The following B3GAT1 variants were observed in gnomAD, a reference collection of about 807,000 sequenced individuals.
The protein encoded by B3GAT1 is beta-1,3-glucuronyltransferase 1.
In B3GAT1, 11 loss-of-function variants were observed where a neutral mutation model predicts 28.4. The ratio of observed to expected loss-of-function variants is 0.39; its 90% CI spans 0.24 to 0.64. The LOEUF is 0.64. Ranked by LOEUF, B3GAT1 falls within the 30% of genes least tolerant of loss-of-function variation. B3GAT1 has a pLI of 0.50. For missense variants in B3GAT1, 375 were observed against 491.0 expected (o/e 0.76, Z 2.23); for synonymous variants, 255 against 223.1 (o/e 1.14, Z -1.27).
chr11:134,403,691 C>T (rs964007028), intron 1 of B3GAT1, among the ~76,000 whole-genome samples: 16 of 152,092 alleles, frequency 1.1e-4, no homozygotes, highest in African/African-American at 3.9e-4. Flanking sequence ...AACCTGTCAA[C>T]CAGATGACTG....
At chr11:134,407,586 A>G (rs1944758916) in intron 1 of B3GAT1, among the ~76,000 whole-genome samples, 1 of 152,238 alleles carries the variant, frequency 6.6e-6, no homozygotes, top group African/African-American at 2.4e-5. Context: ...TTTTGCGCTT[A>G]TCAGAGGTAA....
rs925422572 is a variant in B3GAT1, at chr11:134,412,005, C to T, written c.-480G>A. ...CGCCCGCCCCGCCCGGCCCCGCCGC[C>T]CCGGCCCGGCTCGTTCTGGGCTCAG... On this transcript the variant is annotated 5_prime_UTR_variant, in exon 1 of 6. Transcript: ENST00000312527. 47 of 140,680 alleles carry T rather than the reference C, an allele frequency of 3.3e-4. No homozygotes were observed. Among genetic ancestry groups the T allele is most frequent in the African/African-American group, 1.1e-3 (41 of 38,488 alleles). The allele number at this position is 140,680 out of a possible 1,614,324, so 8.7% of individuals were successfully genotyped here. A position where few individuals can be genotyped will look rare whatever the true frequency, so the allele number is the denominator to read the frequency against.
intron 1 of B3GAT1, among the ~76,000 whole-genome samples, chr11:134,397,510 T>G (rs1223271313): frequency 6.6e-6 from 1 of 152,074 alleles, no homozygotes; most frequent in African/African-American, 2.4e-5. Context: ...CAGAGGGCAG[T>G]GCCCCATTCC....
In B3GAT1 at chr11:134,387,588, CCAGA is replaced by C; in HGVS notation, c.68_71del (p.Val23GlyfsTer66). On this transcript the variant is annotated frameshift_variant, in exon 2 of 6. Coordinates refer to ENST00000312527, the MANE Select transcript of B3GAT1 (RefSeq NM_054025.3). LOFTEE classifies it high-confidence loss of function. ...GCAGGGGTGCGAGGGTGCTCTGGTG[CCAGA>C]CAGTGATGAGCAGAGTCCAGGGCAG... The C allele has an allele frequency of 6.2e-7, 1 of 1,614,118 alleles. No individual in the cohort carries two copies.
rs1944559511 is a variant in B3GAT1, at chr11:134,399,070, G to A, written c.-281-11130C>T. 2.6e-5 allele frequency among the ~76,000 whole-genome samples: 4 copies of A among 152,164 alleles called. No individual in the cohort carries two copies. In the South Asian group the frequency reaches 8.3e-4, roughly 32 times the overall value. On this transcript the variant is annotated intron_variant, in intron 1 of 5. Coordinates refer to ENST00000312527, the MANE Select transcript of B3GAT1 (RefSeq NM_054025.3). ...TGCTCCCTCCCCGGGGGGGCTCACT[G>A]CAGCCTTCATGAGCTGGTGACCCCA...
chr11:134,394,862 T>C (rs1944473972), intron 1 of B3GAT1, among the ~76,000 whole-genome samples: 1 of 152,262 alleles, frequency 6.6e-6, no homozygotes, highest in Non-Finnish European at 1.5e-5. Flanking sequence ...GCATCAGAAA[T>C]GTAATTCACT....
At chr11:134,382,580 C>T in intron 4 of B3GAT1, 130 bp downstream of exon 4, 1 of 1,154,182 alleles carries the variant, frequency 8.7e-7, no homozygotes, top group Non-Finnish European at 1.2e-6. Context: ...GATACACTGC[C>T]TTCCTGGGAG....
At chr11:134,407,587 T>C (rs1944758950) in intron 1 of B3GAT1, among the ~76,000 whole-genome samples, 1 of 152,258 alleles carries the variant, frequency 6.6e-6, no homozygotes, top group Non-Finnish European at 1.5e-5. Flanking sequence ...TTTGCGCTTA[T>C]CAGAGGTAAA....
intron 1 of B3GAT1, among the ~76,000 whole-genome samples, chr11:134,396,435 C>T (rs1944506614): frequency 6.6e-6 from 1 of 152,176 alleles, no homozygotes. Flanking sequence ...CTGGAAGAGC[C>T]ATGCATGGAG....
intron 1 of B3GAT1, chr11:134,391,001 G>C (rs1944400447): frequency 6.6e-6 from 1 of 152,356 alleles, no homozygotes; most frequent in Non-Finnish European, 1.5e-5. Flanking sequence ...GGGGCGGGAA[G>C]GGAAGAGAGG....
At chr11:134,383,074 G>A (rs1944173974) in intron 3 of B3GAT1, 68 bp from the exon 4 acceptor site, 4 of 1,456,836 alleles carry the variant, frequency 2.7e-6, no homozygotes, top group African/African-American at 1.4e-5. Flanking sequence ...GTGCCCAAGG[G>A]AGGCGACATC....
At chr11:134,406,395 G>A (rs914910174) in intron 1 of B3GAT1, among the ~76,000 whole-genome samples, 9 of 152,268 alleles carry the variant, frequency 5.9e-5, no homozygotes, top group Admixed American at 1.3e-4. Flanking sequence ...ATCTGGCTGC[G>A]TCTGCACAAA....
intron 1 of B3GAT1, among the ~76,000 whole-genome samples, chr11:134,409,030 C>T (rs1944796410): frequency 6.6e-6 from 1 of 152,218 alleles, no homozygotes; most frequent in Non-Finnish European, 1.5e-5. Context: ...TAGAGCCATC[C>T]TCATCCTGGA....
At chr11:134,394,172 G>A (rs1223489442) in intron 1 of B3GAT1, among the ~76,000 whole-genome samples, 8 of 152,332 alleles carry the variant, frequency 5.3e-5, no homozygotes, top group African/African-American at 1.7e-4. Context: ...GTCACCGACT[G>A]CAGAGGGCTG....
In B3GAT1 at chr11:134,387,741, G is replaced by A; in HGVS notation, c.-82C>T. On this transcript the variant is annotated 5_prime_UTR_variant, in exon 2 of 6. Coordinates refer to ENST00000312527, the MANE Select transcript of B3GAT1 (RefSeq NM_054025.3). ...AGAGGGGCGGCCACGGGCGGCGGCA[G>A]CACAGGGGAGAAAAGAACAGGCATG... is the stretch of plus-strand genomic sequence containing the variant. The A allele has an allele frequency of 6.3e-7, 1 of 1,582,148 alleles. No individual in the cohort carries two copies.
At chr11:134,403,798 G>C (rs1213934389) in intron 1 of B3GAT1, among the ~76,000 whole-genome samples, 1 of 151,700 alleles carries the variant, frequency 6.6e-6, no homozygotes, top group African/African-American at 2.4e-5. Context: ...TGACATGGAC[G>C]AATCTTGAGG....
intron 1 of B3GAT1, among the ~76,000 whole-genome samples, chr11:134,408,224 T>C (rs1944772351): frequency 7.2e-6 from 1 of 139,362 alleles, no homozygotes; most frequent in South Asian, 2.3e-4. Context: ...TGGGACAGCC[T>C]GCACCTATTC....
At position 134,387,621 on chromosome 11, in the gene B3GAT1, G is replaced by A. The variant is rs185221306; in HGVS notation, c.39C>T (p.Ile13=). Residue 13 remains isoleucine (I), a synonymous_variant, in exon 2 of 6, where the codon ATC becomes ATT. Transcript: ENST00000312527. ...KRRDILAIVL[I]VLPWTLLITV... ...TGATGAGCAGAGTCCAGGGCAGCAC[G>A]ATGAGGACGATCGCTAGGATGTCCC... 15 of 1,614,188 alleles carry A rather than the reference G, an allele frequency of 9.3e-6. No individual in the cohort carries two copies. The highest frequency in any genetic ancestry group is 2.7e-5 in the African/African-American group (2 of 75,066).
intron 1 of B3GAT1, among the ~76,000 whole-genome samples, chr11:134,399,692 C>T (rs907021503): frequency 3.3e-5 from 5 of 152,214 alleles, no homozygotes; most frequent in African/African-American, 1.2e-4. Context: ...ATCTGACCCT[C>T]TCTACAGAGG....
Sources: gnomAD v4.1 joint callset for allele counts (sites outside exome capture counted in the v4.1 genomes callset) on GRCh38, gnomAD v4.1.1 for gene constraint, MANE v1.5 for transcripts, NCBI Gene and HGNC (gene_info 2026-07-23, HGNC 2026-07-21) for gene names.